Variants in OC90 observed in about 807,000 individuals in gnomAD.
OC90 encodes otoconin-90.
OC90 carries 46 observed loss-of-function variants against 47.3 expected under a neutral mutation model. That is an observed-to-expected ratio of 0.97 (90% CI 0.77 to 1.24). The LOEUF (loss-of-function observed/expected upper bound fraction) is 1.24. Ranked by LOEUF, OC90 falls within the 50% of genes most tolerant of loss-of-function variation. OC90 has a pLI of 0.00. For synonymous variants in OC90, 271 were observed against 219.5 expected, an observed-to-expected ratio of 1.23 and a Z score of -2.07; for missense variants, 688 against 583.9, an observed-to-expected ratio of 1.18 and a Z score of -1.84.
intron 2 of OC90, among the ~76,000 whole-genome samples, chr8:132,050,998 T>A (rs75972579): frequency 0.018 from 2,734 of 152,126 alleles, 89 homozygotes; most frequent in African/African-American, 0.062. Context: ...CTGTCTCAAA[T>A]AATAATAATA....
intron 9 of OC90, 77 bp downstream of exon 9, chr8:132,037,361 G>A: frequency 8.4e-7 from 1 of 1,187,394 alleles, no homozygotes; most frequent in South Asian, 1.3e-5. Flanking sequence ...TGTGAGATCT[G>A]GTTGTTTAAA....
intron 13 of OC90, among the ~76,000 whole-genome samples, chr8:132,026,642 T>C (rs1191945465): frequency 6.6e-6 from 1 of 152,162 alleles, no homozygotes; most frequent in African/African-American, 2.4e-5. Flanking sequence ...GGGTCAGAAC[T>C]GGTTTACTGA....
chr8:132,041,917 T>A (rs6996938), intron 4 of OC90, among the ~76,000 whole-genome samples: 94,163 of 151,932 alleles, frequency 0.62, 29,723 homozygotes, highest in East Asian at 0.75. Flanking sequence ...AACTAGAAAG[T>A]TCTTAAGGAA....
intron 1 of OC90, among the ~76,000 whole-genome samples, chr8:132,056,945 G>A (rs1408544799): frequency 6.6e-6 from 1 of 152,184 alleles, no homozygotes. Flanking sequence ...CCAAGCTCCT[G>A]TTTTACAGAT....
intron 2 of OC90, among the ~76,000 whole-genome samples, chr8:132,050,730 G>T (rs534658508): frequency 6.6e-6 from 1 of 152,132 alleles, no homozygotes; most frequent in African/African-American, 2.4e-5. Flanking sequence ...GGCCGGGCGC[G>T]GTGCCCACAA....
Position 132,024,516 on chromosome 8 carries a change from C to A in OC90, c.1399G>T (p.Gly467Cys). 1.3e-6 allele frequency: 2 copies of A among 1,587,232 alleles called. No individual in the cohort carries two copies. Among genetic ancestry groups the A allele is most frequent in the African/African-American group, 1.3e-5 (1 of 74,284 alleles). Reference protein sequence around the residue: ...RAKRFLRKSLGPLGIGPLHGR With the variant: ...RAKRFLRKSLCPLGIGPLHGR ...TGAAGAGGCCCGATCCCCAAGGGAC[C>A]CAGTGACTTCCGCAGAAACCTCTTG... Residue 467 changes from glycine (G) to cysteine (C), a missense_variant, in exon 14 of 14, where the codon GGT (glycine) becomes TGT (cysteine). Transcript: ENST00000254627.
In OC90 at chr8:132,038,983, G is replaced by T; in HGVS notation, c.586+12C>A. ...CTCAGCCCCACGGCTGATGCAGCCA[G>T]GTTCTTCCTACCTGGAGTCTGAGCC... On this transcript the variant is annotated intron_variant, in intron 7 of 13. Coordinates refer to ENST00000254627, the MANE Select transcript of OC90 (RefSeq NM_001080399.3). 1 of 1,613,978 alleles carries T rather than the reference G, an allele frequency of 6.2e-7. No individual in the cohort carries two copies. The highest frequency in any genetic ancestry group is 8.5e-7 in the Non-Finnish European group (1 of 1,179,882).
At chr8:132,036,376 T>C (rs369236547) in intron 9 of OC90, 2 of 780,760 alleles carry the variant, frequency 2.6e-6, no homozygotes, top group African/African-American at 3.4e-5. Flanking sequence ...CTTACTTTTC[T>C]TGGAGAGAGT....
At chr8:132,038,192 ATATTT>A (rs1418477946) in intron 8 of OC90, among the ~76,000 whole-genome samples, 14 of 152,218 alleles carry the variant, frequency 9.2e-5, no homozygotes, top group Non-Finnish European at 1.3e-4. Flanking sequence ...GGCAAGATCT[ATATTT>A]TAGATTAGGA....
intron 12 of OC90, 130 bp downstream of exon 12, chr8:132,031,751 G>C (rs1822877759): frequency 1.4e-6 from 1 of 699,780 alleles, no homozygotes. Context: ...ACCTGAGTGA[G>C]CTGCTGTGTG....
intron 9 of OC90, among the ~76,000 whole-genome samples, chr8:132,035,671 T>C (rs770815226): frequency 6.6e-6 from 1 of 152,176 alleles, no homozygotes; most frequent in Non-Finnish European, 1.5e-5. Flanking sequence ...AAATGCTCCA[T>C]GAAAGAGGGA....
In OC90 at chr8:132,024,504, T is replaced by A; in HGVS notation, c.1411A>T (p.Ile471Phe). The part of the protein sequence containing the change: ...FLRKSLGPLG[I>F]GPLHGR ...ATCTATCTTCCATGAAGAGGCCCGA[T>A]CCCCAAGGGACCCAGTGACTTCCGC... The change falls in exon 14 of 14, where the codon ATC (isoleucine) becomes TTC (phenylalanine). Residue 471 changes from isoleucine to phenylalanine, a missense_variant. Coordinates refer to ENST00000254627, the MANE Select transcript of OC90 (RefSeq NM_001080399.3). 6.4e-7 allele frequency: 1 copy of A among 1,569,468 alleles called. No individual in the cohort carries two copies. The highest frequency in any genetic ancestry group is 8.7e-7 in the Non-Finnish European group (1 of 1,155,868).
chr8:132,048,858 G>A (rs1823173773), intron 2 of OC90, among the ~76,000 whole-genome samples: 1 of 151,528 alleles, frequency 6.6e-6, no homozygotes, highest in African/African-American at 2.5e-5. Context: ...CAGTCTACAA[G>A]AGGGCAGCTG....
At chr8:132,035,897 C>G (rs1822952151) in intron 9 of OC90, among the ~76,000 whole-genome samples, 1 of 152,206 alleles carries the variant, frequency 6.6e-6, no homozygotes, top group Admixed American at 6.5e-5. Context: ...TATGCTGGCA[C>G]ATAGGAGGCC....
intron 11 of OC90, 44 bp downstream of exon 11, chr8:132,032,994 CA>C: frequency 6.3e-7 from 1 of 1,590,238 alleles, no homozygotes. Context: ...ACAGCCTCAC[CA>C]AAAGATCCCA....
chr8:132,056,128 CA>C (rs953801168), intron 1 of OC90, among the ~76,000 whole-genome samples: 88 of 152,266 alleles, frequency 5.8e-4, no homozygotes, highest in African/African-American at 1.8e-3. Context: ...GTGCACTGCA[CA>C]AAAGCGCTTG....
At chr8:132,040,781 G>C (rs1032993854) in intron 6 of OC90, among the ~76,000 whole-genome samples, 2 of 152,218 alleles carry the variant, frequency 1.3e-5, no homozygotes, top group African/African-American at 2.4e-5. Flanking sequence ...CAAGGTCTCA[G>C]GGTTGTACAA....
At chr8:132,057,162 G>T (rs931548731) in intron 1 of OC90, among the ~76,000 whole-genome samples, 1 of 152,210 alleles carries the variant, frequency 6.6e-6, no homozygotes, top group Non-Finnish European at 1.5e-5. Flanking sequence ...TACAATGATG[G>T]CATCTGGCTC....
At chr8:132,030,525 C>T (rs1822858618) in intron 12 of OC90, among the ~76,000 whole-genome samples, 1 of 152,200 alleles carries the variant, frequency 6.6e-6, no homozygotes, top group Admixed American at 6.5e-5. Flanking sequence ...ACAGAAACTG[C>T]TACTGGCTGT....
Sources: gnomAD v4.1 joint callset for allele counts (sites outside exome capture counted in the v4.1 genomes callset) on GRCh38, gnomAD v4.1.1 for gene constraint, MANE v1.5 for transcripts, NCBI Gene and HGNC (gene_info 2026-07-23, HGNC 2026-07-21) for gene names.